TBC1D16: variants seen among roughly 807,000 people sequenced by gnomAD.
The protein encoded by TBC1D16 is TBC1 domain family member 16, also known as CTD-2529O21.1.
TBC1D16 carries 58 observed loss-of-function variants against 74.7 expected under a neutral mutation model. The observed-to-expected ratio is 0.78, with a 90% confidence interval of 0.63 to 0.97. The LOEUF is 0.97. Among genes scored for constraint, TBC1D16 ranks in the 50% least tolerant of loss-of-function variants. TBC1D16 has a pLI of 0.00. For missense variants in TBC1D16, 1,014 were observed against 1,079.5 expected, an observed-to-expected ratio of 0.94 and a Z score of 0.85; for synonymous variants, 493 against 474.7, an observed-to-expected ratio of 1.04 and a Z score of -0.50.
intron 1 of TBC1D16, among the ~76,000 whole-genome samples, chr17:80,023,450 C>T (rs1001874958): frequency 3.3e-5 from 5 of 150,070 alleles, no homozygotes; most frequent in Non-Finnish European, 7.3e-5. Flanking sequence ...CCAGGGCAAG[C>T]TCGTCAGAGA....
rs2031899650 is a variant in TBC1D16 at position 79,940,792 on chromosome 17, AC to A, written c.*66del. 2 of 1,438,408 alleles carry A rather than the reference AC, an allele frequency of 1.4e-6. No individual in the cohort carries two copies. The highest frequency in any genetic ancestry group is 1.4e-5 in the African/African-American group (1 of 69,210). 89.1% of individuals were successfully genotyped at this position (1,438,408 alleles called of 1,614,324 possible). A position where few individuals can be genotyped will look rare whatever the true frequency, so the allele number is the denominator to read the frequency against. On this transcript the variant is annotated 3_prime_UTR_variant, in exon 12 of 12. Transcript: ENST00000310924. The surrounding 1 kb of genome is among the most constrained non-coding windows in gnomAD (Gnocchi z 5.4). Reference sequence around the variant, plus strand: ...CCCTGTCCCCTTCACGCCCAGCCCCACCCCCTCCCGTGCCCAGGGCCTCTGA... The same window carrying A: ...CCCTGTCCCCTTCACGCCCAGCCCCACCCCTCCCGTGCCCAGGGCCTCTGA...
Position 80,008,625 on chromosome 17 carries a change from C to A in TBC1D16, c.779+1535G>T, listed in dbSNP as rs2144652363. ...CCGGCCTGCGGGACCCAGGCCAGGA[C>A]CAGAGTTCGGGCCCCGCCTCCCCCA... On this transcript the variant is annotated intron_variant, in intron 3 of 11. Coordinates refer to ENST00000310924, the MANE Select transcript of TBC1D16 (RefSeq NM_019020.4). The surrounding 1 kb of genome is among the most constrained non-coding windows in gnomAD (Gnocchi z 4.5). Among the ~76,000 whole-genome samples, 1 of 152,278 alleles carries A rather than the reference C, an allele frequency of 6.6e-6. No homozygotes were observed. Among genetic ancestry groups the A allele is most frequent in the Admixed American group, 6.5e-5 (1 of 15,308 alleles).
intron 1 of TBC1D16, among the ~76,000 whole-genome samples, chr17:80,017,498 A>G (rs1166144605): frequency 2.0e-5 from 3 of 151,920 alleles, no homozygotes; most frequent in East Asian, 1.9e-4. Context: ...CCTGACCAAC[A>G]TGGAGAAATT....
At position 79,944,271 on chromosome 17, in the gene TBC1D16, G is replaced by GT. The variant is rs981210031; in HGVS notation, c.1908+636dup. Among the ~76,000 whole-genome samples the GT allele has an allele frequency of 4.4e-4, 67 of 150,808 alleles. No homozygotes were observed. The highest frequency in any genetic ancestry group is 1.3e-3 in the African/African-American group (53 of 41,184). On this transcript the variant is annotated intron_variant, in intron 10 of 11. Coordinates refer to ENST00000310924, the MANE Select transcript of TBC1D16 (RefSeq NM_019020.4). The surrounding 1 kb of genome is among the most constrained non-coding windows in gnomAD (Gnocchi z 7.7). ...AGCCCTCCTGGATGCGTCGATGTGA[G>GT]TTTTTTTTTTAAAAGGCTGATGGAC...
In TBC1D16 at chr17:79,944,990, C is replaced by T; in HGVS notation, c.1826G>A (p.Arg609His). ...EDGLQMLFCH[R>H]WLLLCFKREF... The stretch of plus-strand genomic sequence containing the variant: ...CCGCTTGAAGCACAGAAGGAGCCAG[C>T]GGTGGCAGAAGAGCATCTGCAGGCC... Residue 609 changes from arginine (R) to histidine (H), a missense_variant, in exon 10 of 12, where the codon CGC becomes CAC. Coordinates refer to ENST00000310924, the MANE Select transcript of TBC1D16 (RefSeq NM_019020.4). This position sits in a 1 kb window ranked among gnomAD's most constrained non-coding sequence, Gnocchi z 7.7. 2.5e-6 allele frequency: 4 copies of T among 1,569,898 alleles called. No homozygotes were observed. The highest frequency in any genetic ancestry group is 1.2e-5 in the South Asian group (1 of 85,350).
rs1320162763 is a variant in TBC1D16 at position 80,010,535 on chromosome 17, G to A, written c.404C>T (p.Thr135Ile). The change falls in exon 3 of 12, where the codon ACC becomes ATC. Residue 135 changes from threonine (T) to isoleucine (I), a missense_variant. Transcript: ENST00000310924. This position sits in a 1 kb window ranked among gnomAD's most constrained non-coding sequence, Gnocchi z 8.8. ...PSPTELRPTL[T>I]PKDEDILVVA... is the part of the protein sequence containing the mutation. ...CACCAGGATGTCCTCATCTTTGGGG[G>A]TCAGGGTAGGCCGCAGCTCCGTCGG... 1.2e-6 allele frequency: 2 copies of A among 1,610,800 alleles called. No individual in the cohort carries two copies. Among genetic ancestry groups the A allele is most frequent in the African/African-American group, 1.3e-5 (1 of 75,040 alleles).
At chr17:80,018,897 G>A (rs1392287792) in intron 1 of TBC1D16, among the ~76,000 whole-genome samples, 1 of 150,172 alleles carries the variant, frequency 6.7e-6, no homozygotes, top group Non-Finnish European at 1.5e-5. Flanking sequence ...CACCGCACCT[G>A]GCCTATTTTA....
chr17:79,976,093 A>C (rs1423905947), intron 3 of TBC1D16, among the ~76,000 whole-genome samples: 3 of 152,200 alleles, frequency 2.0e-5, no homozygotes, highest in Non-Finnish European at 4.4e-5. Context: ...CGGCCTTACT[A>C]ACCCTTGTCT....
At chr17:79,968,694 A>C (rs2033944723) in intron 3 of TBC1D16, among the ~76,000 whole-genome samples, 1 of 152,006 alleles carries the variant, frequency 6.6e-6, no homozygotes, top group Non-Finnish European at 1.5e-5. Context: ...TCTACTAAAA[A>C]TACAAAAAAT....
In TBC1D16 at chr17:80,007,335, C is replaced by T. The variant is rs1457320792; in HGVS notation, c.779+2825G>A. ...CCAGGCTGGTGCTCAACCCTCACGCCGACTCTGCCCTACAAGGGGGTTCTT... is the reference window on the plus strand; with the variant it reads ...CCAGGCTGGTGCTCAACCCTCACGCTGACTCTGCCCTACAAGGGGGTTCTT... On this transcript the variant is annotated intron_variant, in intron 3 of 11. Transcript: ENST00000310924. This position sits in a 1 kb window ranked among gnomAD's most constrained non-coding sequence, Gnocchi z 4.5. Among the ~76,000 whole-genome samples the T allele has an allele frequency of 6.6e-6, 1 of 152,238 alleles. No homozygotes were observed. The highest frequency in any genetic ancestry group is 2.4e-5 in the African/African-American group (1 of 41,464).
rs753569072 is a variant in TBC1D16, at chr17:79,952,638, G to A, written c.941+19C>T. 26 of 1,579,264 alleles carry A rather than the reference G, an allele frequency of 1.6e-5. No homozygotes were observed. In the East Asian group the frequency reaches 2.7e-4, roughly 16 times the overall value. ...ACACACAGGCCAACTCCCAGGAGGC[G>A]CCCAGAGATGCTTCCTACCTGAAGA... is the stretch of plus-strand genomic sequence containing the variant. On this transcript the variant is annotated intron_variant, in intron 4 of 11. Coordinates refer to ENST00000310924, the MANE Select transcript of TBC1D16 (RefSeq NM_019020.4).
At chr17:79,967,384 C>G (rs1326874432) in intron 3 of TBC1D16, among the ~76,000 whole-genome samples, 1 of 152,158 alleles carries the variant, frequency 6.6e-6, no homozygotes, top group Non-Finnish European at 1.5e-5. Context: ...GGAATCTACA[C>G]ACATACACAC....
rs1218412742 is a variant in TBC1D16, at chr17:79,990,355, A to T, written c.779+19805T>A. On this transcript the variant is annotated intron_variant, in intron 3 of 11. Transcript: ENST00000310924. This position sits in a 1 kb window ranked among gnomAD's most constrained non-coding sequence, Gnocchi z 4.8. The stretch of plus-strand genomic sequence containing the variant: ...CTGGCCACAGCGCAGCACCTGCCCC[A>T]TGAGAGCCTCCTGTTGCAGCCCGGG... 6.6e-6 allele frequency among the ~76,000 whole-genome samples: 1 copy of T among 152,194 alleles called. No individual in the cohort carries two copies. Among genetic ancestry groups the T allele is most frequent in the African/African-American group, 2.4e-5 (1 of 41,458 alleles).
intron 1 of TBC1D16, among the ~76,000 whole-genome samples, chr17:80,019,546 T>C (rs2036215620): frequency 6.8e-6 from 1 of 146,944 alleles, no homozygotes; most frequent in Non-Finnish European, 1.5e-5. Context: ...CTAAAAACAA[T>C]TCTCCTTATT....
Position 79,951,193 on chromosome 17 carries a change from G to T in TBC1D16, c.1089+257C>A, listed in dbSNP as rs988603736. ...TAAAGAGCTCTTATTACATTTGTAC[G>T]TAGATTGAGCAAAATATGGCAGGAA... On this transcript the variant is annotated intron_variant, in intron 5 of 11. Coordinates refer to ENST00000310924, the MANE Select transcript of TBC1D16 (RefSeq NM_019020.4). Among the ~76,000 whole-genome samples, 3 of 152,242 alleles carry T rather than the reference G, an allele frequency of 2.0e-5. No individual in the cohort carries two copies. In the East Asian group the frequency reaches 5.8e-4, roughly 29 times the overall value.
At chr17:79,951,846 A>G in intron 4 of TBC1D16, 1 of 401,354 alleles carries the variant, frequency 2.5e-6, no homozygotes, top group Non-Finnish European at 4.5e-6. Flanking sequence ...GACCTGCCAG[A>G]GTGGCCTTCT....
chr17:79,979,853 A>C lies in TBC1D16; in HGVS notation c.780-27035T>G, dbSNP rs138741432. 6.6e-6 allele frequency among the ~76,000 whole-genome samples: 1 copy of C among 152,084 alleles called. No individual in the cohort carries two copies. Among genetic ancestry groups the C allele is most frequent in the African/African-American group, 2.4e-5 (1 of 41,424 alleles). ...GGAGGGGAGGGGTCTTCACAGACAG[A>C]GGCCTTGCTATGGGTGGGCTCTGGC... On this transcript the variant is annotated intron_variant, in intron 3 of 11. Transcript: ENST00000310924. The surrounding 1 kb of genome is among the most constrained non-coding windows in gnomAD (Gnocchi z 4.8).
chr17:79,999,528 A>T (rs1193176795), intron 3 of TBC1D16, among the ~76,000 whole-genome samples: 1 of 143,764 alleles, frequency 7.0e-6, no homozygotes. Context: ...CTTTCCCCCA[A>T]ATTTCTTTTT....
At chr17:79,959,623 G>A (rs138925871) in intron 3 of TBC1D16, among the ~76,000 whole-genome samples, 99 of 152,220 alleles carry the variant, frequency 6.5e-4, no homozygotes, top group African/African-American at 2.2e-3. Flanking sequence ...GAGAAAGGAT[G>A]GCTTTTCAAT....
Sources: allele counts gnomAD v4.1 joint callset (sites outside exome capture counted in the v4.1 genomes callset), GRCh38; gene constraint gnomAD v4.1.1; non-coding constraint Gnocchi (gnomAD v3.1); transcripts MANE v1.5; gene names NCBI Gene and HGNC (gene_info 2026-07-23, HGNC 2026-07-21).